Variants in ZNF184 observed in about 807,000 individuals in gnomAD.
ZNF184 encodes the protein zinc finger protein 184 (Kruppel-like).
Under a neutral mutation model 54.4 loss-of-function variants are expected in ZNF184, and 16 were observed. The ratio of observed to expected loss-of-function variants is 0.29; its 90% confidence interval spans 0.20 to 0.45. The LOEUF (loss-of-function observed/expected upper bound fraction) is 0.45. ZNF184 is among the 20% of genes least tolerant of loss of function. ZNF184 has a pLI of 1.00. For synonymous variants in ZNF184, 254 were observed against 295.3 expected, an observed-to-expected ratio of 0.86 and a Z score of 1.43; for missense variants, 681 against 888.2, an observed-to-expected ratio of 0.77 and a Z score of 2.97.
the ZNF184 span, among the ~76,000 whole-genome samples, chr6:27,414,221 G>C: frequency 1.3e-5 from 2 of 152,138 alleles, no homozygotes; most frequent in Non-Finnish European, 2.9e-5. Flanking sequence ...ATCTCTGCTA[G>C]ACTATTGCCT....
chr6:27,472,196 A>C lies in ZNF184; in HGVS notation c.7+92T>G. The C allele has an allele frequency of 6.5e-7, 1 of 1,544,006 alleles. No homozygotes were observed. On this transcript the variant is annotated intron_variant, in intron 2 of 5. Transcript: ENST00000683788. This position sits in a 1 kb window ranked among gnomAD's most constrained non-coding sequence, Gnocchi z 4.8. The stretch of plus-strand genomic sequence containing the variant: ...TAAGCATACCGTTCCTTCCTTCCAA[A>C]TCTCCTGCTCTGATCTCAAGTATTT...
chr6:27,452,376 A>G lies in ZNF184; in HGVS notation c.1183T>C (p.Cys395Arg). 2 of 1,614,138 alleles carry G rather than the reference A, an allele frequency of 1.2e-6. No homozygotes were observed. The highest frequency in any genetic ancestry group is 1.7e-6 in the Non-Finnish European group (2 of 1,180,016). ...TGEKTYKCNE[C>R]GKAFNGPSTF... ...GAGGGCCCGTTGAAGGCCTTTCCAC[A>G]TTCATTACATTTATAGGTTTTTTCT... Residue 395 changes from cysteine (C) to arginine (R), a missense_variant, in exon 6 of 6, where the codon TGT becomes CGT. Cys to Arg is a radical substitution (Grantham distance 180). Transcript: ENST00000683788. This position sits in a 1 kb window ranked among gnomAD's most constrained non-coding sequence, Gnocchi z 5.5.
chr6:27,463,840 A>T (rs1207282081), intron 3 of ZNF184, among the ~76,000 whole-genome samples: 4 of 152,182 alleles, frequency 2.6e-5, no homozygotes, highest in African/African-American at 9.6e-5. Context: ...AGACTTCTTT[A>T]GACATAGAAA....
At chr6:27,410,681 A>G in the ZNF184 span, among the ~76,000 whole-genome samples, 1 of 152,002 alleles carries the variant, frequency 6.6e-6, no homozygotes, top group Non-Finnish European at 1.5e-5. Context: ...ACAGGTGCGC[A>G]CCACCACGCC....
chr6:27,424,301 T>G, the ZNF184 span, among the ~76,000 whole-genome samples: 1 of 152,188 alleles, frequency 6.6e-6, no homozygotes, highest in African/African-American at 2.4e-5. Flanking sequence ...GCACAAAGAG[T>G]AAGCAGCAGC....
chr6:27,429,123 G>C, the ZNF184 span, among the ~76,000 whole-genome samples: 1 of 152,146 alleles, frequency 6.6e-6, no homozygotes, highest in Non-Finnish European at 1.5e-5. Flanking sequence ...TTTCCTCCTT[G>C]CTTTCTTTCT....
At chr6:27,437,639 G>A in the ZNF184 span, among the ~76,000 whole-genome samples, 8 of 152,312 alleles carry the variant, frequency 5.3e-5, no homozygotes, top group East Asian at 7.7e-4. Flanking sequence ...AAAGTTTGTA[G>A]GAATTTGTTA....
the ZNF184 span, among the ~76,000 whole-genome samples, chr6:27,435,571 A>C: frequency 6.6e-6 from 1 of 152,190 alleles, no homozygotes; most frequent in African/African-American, 2.4e-5. Context: ...ACATAAAATC[A>C]AGCCATCTTC....
the ZNF184 span, among the ~76,000 whole-genome samples, chr6:27,425,745 C>A: frequency 6.6e-6 from 1 of 152,230 alleles, no homozygotes; most frequent in Non-Finnish European, 1.5e-5. Flanking sequence ...TTCACCTCCG[C>A]TGTCATCTTC....
At position 27,453,334 on chromosome 6, in the gene ZNF184, G is replaced by A; in HGVS notation, c.299-74C>T. On this transcript the variant is annotated intron_variant, in intron 5 of 5. Coordinates refer to ENST00000683788, the MANE Select transcript of ZNF184 (RefSeq NM_001318891.2). The surrounding 1 kb of genome is among the most constrained non-coding windows in gnomAD (Gnocchi z 4.7). ...ACTGCTATTGTGGGAATAATATAAT[G>A]ATACTGAAAAATAAATCTCTCAGAA... is the stretch of plus-strand genomic sequence containing the variant. The A allele has an allele frequency of 7.4e-7, 1 of 1,350,088 alleles. No individual in the cohort carries two copies. The highest frequency in any genetic ancestry group is 9.8e-7 in the Non-Finnish European group (1 of 1,018,508). The allele number at this position is 1,350,088 out of a possible 1,614,324, so 83.6% of individuals were successfully genotyped here. A position where few individuals can be genotyped will look rare whatever the true frequency, so the allele number is the denominator to read the frequency against.
the ZNF184 span, among the ~76,000 whole-genome samples, chr6:27,415,625 G>A: frequency 3.9e-5 from 6 of 152,106 alleles, no homozygotes; most frequent in South Asian, 2.1e-4. Context: ...GTTTTGGAAC[G>A]TTTCTTACCT....
intron 3 of ZNF184, among the ~76,000 whole-genome samples, chr6:27,464,633 T>C (rs2113730231): frequency 6.6e-6 from 1 of 152,288 alleles, no homozygotes; most frequent in South Asian, 2.1e-4. Flanking sequence ...AGTCACATTA[T>C]ATTTAAATGT....
At chr6:27,422,150 AAGAAAGAAAG>A in the ZNF184 span, among the ~76,000 whole-genome samples, 1 of 33,170 alleles carries the variant, frequency 3.0e-5, no homozygotes, top group African/African-American at 9.1e-5. Flanking sequence ...CAAAAAAAAA[AAGAAAGAAAG>A]AAAGAAAGAA....
At chr6:27,470,777 T>G (rs561590186) in intron 2 of ZNF184, among the ~76,000 whole-genome samples, 2 of 152,306 alleles carry the variant, frequency 1.3e-5, no homozygotes, top group East Asian at 1.9e-4. Flanking sequence ...ACAAAAGTTA[T>G]GATTACAAGG....
the ZNF184 span, among the ~76,000 whole-genome samples, chr6:27,424,464 A>G: frequency 6.6e-6 from 1 of 152,100 alleles, no homozygotes; most frequent in African/African-American, 2.4e-5. Flanking sequence ...GTCTGTTTTG[A>G]CAGGGCGCTG....
the ZNF184 span, among the ~76,000 whole-genome samples, chr6:27,428,875 A>G: frequency 6.6e-6 from 1 of 152,220 alleles, no homozygotes; most frequent in Non-Finnish European, 1.5e-5. The surrounding 1 kb of genome is among the most constrained non-coding windows in gnomAD (Gnocchi z 4.1). Flanking sequence ...ATATACTGAT[A>G]AGGCAAACAC....
the ZNF184 span, among the ~76,000 whole-genome samples, chr6:27,442,885 A>AAAG: frequency 2.1e-5 from 3 of 141,650 alleles, 1 homozygote; most frequent in Non-Finnish European, 4.7e-5. Context: ...AAAGAAAAAG[A>AAAG]AAAAAAGAAA....
intron 3 of ZNF184, among the ~76,000 whole-genome samples, chr6:27,461,277 C>T (rs2113724831): frequency 6.6e-6 from 1 of 152,300 alleles, no homozygotes; most frequent in South Asian, 2.1e-4. Flanking sequence ...AGAGGGAGGA[C>T]TCAGAAGCCT....
chr6:27,421,832 G>A, the ZNF184 span, among the ~76,000 whole-genome samples: 1 of 152,176 alleles, frequency 6.6e-6, no homozygotes, highest in African/African-American at 2.4e-5. Flanking sequence ...ACTTTGGAAG[G>A]CTGAGCGGGA....
Sources: allele counts gnomAD v4.1 joint callset (sites outside exome capture counted in the v4.1 genomes callset), GRCh38; gene constraint gnomAD v4.1.1; non-coding constraint Gnocchi (gnomAD v3.1); transcripts MANE v1.5; gene names NCBI Gene and HGNC (gene_info 2026-07-23, HGNC 2026-07-21).